The following ATP9B variants were observed in gnomAD, a reference collection of about 807,000 sequenced individuals.
The protein encoded by ATP9B is probable phospholipid-transporting ATPase IIB.
A neutral mutation model predicts 146.1 loss-of-function variants in ATP9B; 110 were observed. The observed-to-expected ratio is 0.75, with a 90% CI of 0.65 to 0.88. The LOEUF is 0.88. Among genes scored for constraint, ATP9B ranks in the 40% least tolerant of loss-of-function variants. The pLI, the probability that ATP9B is intolerant of heterozygous loss-of-function variation, is 0.00. For missense variants in ATP9B, 1,499 were observed against 1,496.4 expected, an observed-to-expected ratio of 1.00 and a Z score of -0.03; for synonymous variants, 604 against 569.7, an observed-to-expected ratio of 1.06 and a Z score of -0.86.
chr18:79,170,313 A>G (rs1568323471), intron 7 of ATP9B, among the ~76,000 whole-genome samples: 4 of 152,272 alleles, frequency 2.6e-5, no homozygotes, highest in Non-Finnish European at 4.4e-5. Flanking sequence ...AGGATGGGGA[A>G]CTCTCCTAGA....
intron 25 of ATP9B, 39 bp downstream of exon 25, chr18:79,348,235 G>A: frequency 8.6e-7 from 1 of 1,164,178 alleles, no homozygotes; most frequent in Non-Finnish European, 1.2e-6. Context: ...ATCCAGGGGA[G>A]GACTTCTATT....
At chr18:79,210,735 C>T (rs1195489388) in intron 10 of ATP9B, among the ~76,000 whole-genome samples, 1 of 152,178 alleles carries the variant, frequency 6.6e-6, no homozygotes, top group Non-Finnish European at 1.5e-5. Context: ...GAAATTGGCT[C>T]CTGGAGGGCA....
At chr18:79,112,652 C>A (rs1327794621) in intron 3 of ATP9B, among the ~76,000 whole-genome samples, 1 of 151,936 alleles carries the variant, frequency 6.6e-6, no homozygotes, top group Non-Finnish European at 1.5e-5. Flanking sequence ...TAAATACCCA[C>A]AAGAGATTAA....
Position 79,337,285 on chromosome 18 carries a change from T to A in ATP9B, c.2119T>A (p.Tyr707Asn). ...EEQYQDFESRYTQAKLSMHDR... is the reference protein window; with the variant it reads ...EEQYQDFESRNTQAKLSMHDR... ...CCTCCCCCTCTGTCCCCAGAGCCGA[T>A]ACACTCAAGCCAAGCTGAGCATGCA... Residue 707 changes from tyrosine to asparagine, a missense_variant, in exon 19 of 30, where the codon TAC (tyrosine) becomes AAC (asparagine). Physicochemically the swap from Tyr to Asn is moderately radical, Grantham distance 143 (BLOSUM62 -2). Coordinates refer to ENST00000426216, the MANE Select transcript of ATP9B (RefSeq NM_198531.5). 6.2e-7 allele frequency: 1 copy of A among 1,613,880 alleles called. No homozygotes were observed. Among genetic ancestry groups the A allele is most frequent in the Non-Finnish European group, 8.5e-7 (1 of 1,179,952 alleles).
intron 2 of ATP9B, among the ~76,000 whole-genome samples, chr18:79,097,890 C>T (rs953962479): frequency 6.6e-6 from 1 of 150,570 alleles, no homozygotes; most frequent in Non-Finnish European, 1.5e-5. Flanking sequence ...GGGTATATAC[C>T]CAGTAATGGG....
intron 17 of ATP9B, among the ~76,000 whole-genome samples, chr18:79,332,301 C>A (rs538222188): frequency 6.2e-4 from 95 of 152,164 alleles, no homozygotes; most frequent in African/African-American, 2.0e-3. Context: ...TGGTGGCGGG[C>A]GCCTGTAGTC....
At chr18:79,273,585 A>G (rs1055148710) in intron 12 of ATP9B, among the ~76,000 whole-genome samples, 2 of 152,256 alleles carry the variant, frequency 1.3e-5, no homozygotes, top group Non-Finnish European at 2.9e-5. Context: ...AGGTAGTTTC[A>G]TTCCCTGAGG....
intron 5 of ATP9B, among the ~76,000 whole-genome samples, chr18:79,132,884 A>G (rs2094398388): frequency 6.6e-6 from 1 of 152,240 alleles, no homozygotes; most frequent in Admixed American, 6.5e-5. Context: ...CCACTTATAA[A>G]TACGCTTTGT....
Position 79,277,164 on chromosome 18 carries a change from G to A in ATP9B, c.1379G>A (p.Gly460Glu). 1 of 1,614,220 alleles carries A rather than the reference G, an allele frequency of 6.2e-7. No individual in the cohort carries two copies. The highest frequency in any genetic ancestry group is 8.5e-7 in the Non-Finnish European group (1 of 1,180,042). ...VRTSTIPEEL[G>E]RLVYLLTDKT... ...ACCAGCACTATCCCAGAGGAACTTG[G>A]GCGCCTGGTGTATTTATTGACAGAC... Residue 460 changes from glycine to glutamate, a missense_variant, in exon 13 of 30, where the codon GGG becomes GAG. Gly to Glu is a moderately conservative substitution (Grantham distance 98). Coordinates refer to ENST00000426216, the MANE Select transcript of ATP9B (RefSeq NM_198531.5).
At chr18:79,163,319 C>T (rs2094911885) in intron 7 of ATP9B, among the ~76,000 whole-genome samples, 1 of 152,090 alleles carries the variant, frequency 6.6e-6, no homozygotes, top group South Asian at 2.1e-4. Flanking sequence ...TTTCTTTAAA[C>T]AAAGTCAGCT....
At chr18:79,332,574 G>C (rs991856138) in intron 17 of ATP9B, among the ~76,000 whole-genome samples, 1 of 152,218 alleles carries the variant, frequency 6.6e-6, no homozygotes, top group African/African-American at 2.4e-5. Context: ...GGTTGGTCTT[G>C]CTCTCTCAGG....
At chr18:79,320,847 T>G (rs1488775231) in intron 15 of ATP9B, among the ~76,000 whole-genome samples, 3 of 137,886 alleles carry the variant, frequency 2.2e-5, no homozygotes, top group African/African-American at 7.5e-5. Flanking sequence ...TAGGAAACCT[T>G]GGGATGCTGT....
At chr18:79,286,237 T>C (rs1037493304) in intron 13 of ATP9B, among the ~76,000 whole-genome samples, 2 of 152,142 alleles carry the variant, frequency 1.3e-5, no homozygotes, top group African/African-American at 4.8e-5. Flanking sequence ...ATATTGATTC[T>C]TCCTACCCAT....
At chr18:79,374,331 T>A in intron 28 of ATP9B, 1 of 443,048 alleles carries the variant, frequency 2.3e-6, no homozygotes, top group Non-Finnish European at 4.1e-6. Flanking sequence ...GGTCACTGGC[T>A]GGCCGGTCCC....
chr18:79,168,180 G>C (rs1264124948), intron 7 of ATP9B, among the ~76,000 whole-genome samples: 1 of 152,160 alleles, frequency 6.6e-6, no homozygotes, highest in Non-Finnish European at 1.5e-5. Context: ...GTGGAGCCAG[G>C]AGCAACCTCC....
chr18:79,268,211 C>G (rs1245298947), intron 12 of ATP9B, among the ~76,000 whole-genome samples: 1 of 152,000 alleles, frequency 6.6e-6, no homozygotes, highest in African/African-American at 2.4e-5. Flanking sequence ...CTTTTTACTT[C>G]CAACTTCTCT....
intron 11 of ATP9B, among the ~76,000 whole-genome samples, chr18:79,229,978 TAAAA>T (rs144310383): frequency 6.8e-6 from 1 of 147,772 alleles, no homozygotes; most frequent in Non-Finnish European, 1.5e-5. Context: ...TTTAGTGCAT[TAAAA>T]AAAAAAGGAA....
Position 79,180,271 on chromosome 18 carries a change from T to C in ATP9B, c.873+3364T>C, listed in dbSNP as rs191097218. Among the ~76,000 whole-genome samples the C allele has an allele frequency of 1.7e-3, 255 of 152,356 alleles. 2 individuals are homozygous for C. Among genetic ancestry groups the C allele is most frequent in the Non-Finnish European group, 2.8e-3 (188 of 68,034 alleles). ...ATGTGGTTGAGCGGAAGTCAGTCAT[T>C]TGACTCTGTAGGTTCTACTTATCCC... On this transcript the variant is annotated intron_variant, in intron 8 of 29. Coordinates refer to ENST00000426216, the MANE Select transcript of ATP9B (RefSeq NM_198531.5).
At chr18:79,290,537 G>C (rs2096492551) in intron 13 of ATP9B, among the ~76,000 whole-genome samples, 1 of 152,192 alleles carries the variant, frequency 6.6e-6, no homozygotes, top group Admixed American at 6.5e-5. Context: ...CTTTGACTAG[G>C]AAAGGGAACT....
Sources: gnomAD v4.1 joint callset for allele counts (sites outside exome capture counted in the v4.1 genomes callset) on GRCh38, gnomAD v4.1.1 for gene constraint, MANE v1.5 for transcripts, NCBI Gene and HGNC (gene_info 2026-07-23, HGNC 2026-07-21) for gene names.